The following PIP4K2A variants were observed in gnomAD, a reference collection of about 807,000 sequenced individuals.
PIP4K2A encodes the protein phosphatidylinositol 5-phosphate 4-kinase type-2 alpha.
Under a neutral mutation model 42.9 loss-of-function variants are expected in PIP4K2A, and 14 were observed. The observed-to-expected ratio is 0.33, with a 90% CI of 0.22 to 0.51. PIP4K2A has a LOEUF of 0.51. Among genes scored for constraint, PIP4K2A ranks in the 20% least tolerant of loss-of-function variants. The pLI is 0.97. For synonymous variants in PIP4K2A, 192 were observed against 192.2 expected (o/e 1.00, Z 0.01); for missense variants, 434 against 519.8 (o/e 0.83, Z 1.61).
intron 1 of PIP4K2A, among the ~76,000 whole-genome samples, chr10:22,671,016 A>G (rs1453060966): frequency 6.6e-6 from 1 of 152,186 alleles, no homozygotes; most frequent in African/African-American, 2.4e-5. Flanking sequence ...ACTACTGGCT[A>G]TGATGTAAAT....
intron 1 of PIP4K2A, among the ~76,000 whole-genome samples, chr10:22,632,645 C>T (rs1838572952): frequency 6.6e-6 from 1 of 152,180 alleles, no homozygotes; most frequent in African/African-American, 2.4e-5. Context: ...CCACCAGGCA[C>T]ACTCATATCC....
At chr10:22,687,688 G>A (rs1289782621) in intron 1 of PIP4K2A, among the ~76,000 whole-genome samples, 1 of 152,018 alleles carries the variant, frequency 6.6e-6, no homozygotes, top group Non-Finnish European at 1.5e-5. Context: ...ACAAAATGAC[G>A]CAGCTTTGCA....
At chr10:22,619,749 C>G (rs574492678) in intron 1 of PIP4K2A, among the ~76,000 whole-genome samples, 6 of 152,156 alleles carry the variant, frequency 3.9e-5, no homozygotes, top group Non-Finnish European at 8.8e-5. Context: ...TATTCATTTT[C>G]TAAGACCATT....
At chr10:22,647,563 T>C (rs557239632) in intron 1 of PIP4K2A, among the ~76,000 whole-genome samples, 91 of 152,082 alleles carry the variant, frequency 6.0e-4, no homozygotes, top group Non-Finnish European at 9.9e-4. Flanking sequence ...AACAATAACA[T>C]AGGCCACAAC....
At position 22,621,123 on chromosome 10, in the gene PIP4K2A, G is replaced by A. The variant is rs143401187; in HGVS notation, c.145-11406C>T. 1.0e-3 allele frequency among the ~76,000 whole-genome samples: 158 copies of A among 152,266 alleles called. 2 individuals are homozygous for A. The East Asian group carries it at 0.021, about 20-fold the overall frequency. On this transcript the variant is annotated intron_variant, in intron 1 of 9. Transcript: ENST00000376573. ...ATCACCATTGATGCACAGAAAAGAC[G>A]GGATAAGACAGATAAGAGCCACGTG... is the stretch of plus-strand genomic sequence containing the variant.
chr10:22,702,497 A>G (rs1389223173), intron 1 of PIP4K2A, among the ~76,000 whole-genome samples: 2 of 152,188 alleles, frequency 1.3e-5, no homozygotes, highest in South Asian at 2.1e-4. Context: ...AACATCTGAC[A>G]CTGTTTGAAA....
chr10:22,582,638 T>G (rs1837305056), intron 4 of PIP4K2A, among the ~76,000 whole-genome samples: 1 of 152,028 alleles, frequency 6.6e-6, no homozygotes, highest in East Asian at 1.9e-4. Flanking sequence ...ATCCTTACTG[T>G]GCCATGGGCT....
intron 4 of PIP4K2A, among the ~76,000 whole-genome samples, chr10:22,574,327 G>T (rs1481076233): frequency 6.6e-6 from 1 of 152,114 alleles, no homozygotes; most frequent in Non-Finnish European, 1.5e-5. Context: ...CAGCATAAAT[G>T]GTGAGATTCC....
rs1839152374 is a variant in PIP4K2A at position 22,658,924 on chromosome 10, A to T, written c.145-49207T>A. On this transcript the variant is annotated intron_variant, in intron 1 of 9. Transcript: ENST00000376573. Reference sequence around the variant, plus strand: ...CAGATGACAAAGCCTGGAGCTTTACACATCTTTCTGATAAGGGCTCCATAG... The same window carrying T: ...CAGATGACAAAGCCTGGAGCTTTACTCATCTTTCTGATAAGGGCTCCATAG... Among the ~76,000 whole-genome samples, 3 of 152,358 alleles carry T rather than the reference A, an allele frequency of 2.0e-5. No individual in the cohort carries two copies. The South Asian group carries it at 6.2e-4, about 32-fold the overall frequency.
chr10:22,574,825 A>T (rs1837073102), intron 4 of PIP4K2A, among the ~76,000 whole-genome samples: 1 of 152,254 alleles, frequency 6.6e-6, no homozygotes, highest in Admixed American at 6.5e-5. Flanking sequence ...AATGCAAAAC[A>T]GGCAGTAAAT....
At chr10:22,682,640 A>G (rs903035885) in intron 1 of PIP4K2A, among the ~76,000 whole-genome samples, 1 of 152,162 alleles carries the variant, frequency 6.6e-6, no homozygotes, top group African/African-American at 2.4e-5. Flanking sequence ...AGAAGCAGGA[A>G]CCCGCTGACA....
chr10:22,635,083 G>C (rs894502884), intron 1 of PIP4K2A, among the ~76,000 whole-genome samples: 2 of 152,118 alleles, frequency 1.3e-5, no homozygotes, highest in Non-Finnish European at 2.9e-5. Flanking sequence ...CAGCACATTT[G>C]GGGGAGGGAG....
intron 1 of PIP4K2A, among the ~76,000 whole-genome samples, chr10:22,710,335 G>A (rs997816409): frequency 1.3e-5 from 2 of 152,166 alleles, no homozygotes; most frequent in Non-Finnish European, 2.9e-5. Context: ...CCCCTCTCTG[G>A]GGACTGTTCT....
intron 1 of PIP4K2A, among the ~76,000 whole-genome samples, chr10:22,699,418 G>C (rs1833668969): frequency 6.6e-6 from 1 of 151,990 alleles, no homozygotes; most frequent in Non-Finnish European, 1.5e-5. Flanking sequence ...GGGCACAGAA[G>C]CAAGCTAGGG....
intron 6 of PIP4K2A, among the ~76,000 whole-genome samples, chr10:22,552,846 A>AC (rs923738429): frequency 1.3e-5 from 2 of 152,144 alleles, no homozygotes; most frequent in African/African-American, 2.4e-5. Context: ...TCCACAACCC[A>AC]TTTTATAAGT....
chr10:22,644,315 C>T (rs1186194850), intron 1 of PIP4K2A, among the ~76,000 whole-genome samples: 2 of 152,192 alleles, frequency 1.3e-5, no homozygotes, highest in Non-Finnish European at 2.9e-5. Flanking sequence ...TTCTCTCCAC[C>T]ACTGCCTCTC....
Position 22,536,724 on chromosome 10 carries a change from A to AAAAAAAAAAAAAAAAAAAAC in PIP4K2A, c.*476_*477insGTTTTTTTTTTTTTTTTTTT, listed in dbSNP as rs1554791590. 4 of 136,822 alleles carry AAAAAAAAAAAAAAAAAAAAC rather than the reference A, an allele frequency of 2.9e-5. No homozygotes were observed. The highest frequency in any genetic ancestry group is 2.3e-4 in the South Asian group (1 of 4,332). The allele number at this position is 136,822 out of a possible 1,614,324, so 8.5% of individuals were successfully genotyped here. A position where few individuals can be genotyped will look rare whatever the true frequency, so the allele number is the denominator to read the frequency against. ...CACATCTTTCAACTCCAAAAAAAAA[A>AAAAAAAAAAAAAAAAAAAAC]AAAAAAAAAAAAAACTGATCCACAG... On this transcript the variant is annotated 3_prime_UTR_variant, in exon 10 of 10. Coordinates refer to ENST00000376573, the MANE Select transcript of PIP4K2A (RefSeq NM_005028.5).
At chr10:22,702,340 T>C (rs995928402) in intron 1 of PIP4K2A, among the ~76,000 whole-genome samples, 1 of 152,250 alleles carries the variant, frequency 6.6e-6, no homozygotes, top group Admixed American at 6.5e-5. Flanking sequence ...ATGGTACACT[T>C]CTGAATACTA....
At chr10:22,676,355 G>C (rs1839558686) in intron 1 of PIP4K2A, among the ~76,000 whole-genome samples, 1 of 152,036 alleles carries the variant, frequency 6.6e-6, no homozygotes, top group South Asian at 2.1e-4. Context: ...GCTTCCAAAG[G>C]GCCATGTAAC....
Sources: allele counts gnomAD v4.1 joint callset (sites outside exome capture counted in the v4.1 genomes callset), GRCh38; gene constraint gnomAD v4.1.1; transcripts MANE v1.5; gene names NCBI Gene and HGNC (gene_info 2026-07-23, HGNC 2026-07-21).